The following NBDY variants were observed in gnomAD, a reference collection of about 807,000 sequenced individuals.
The protein encoded by NBDY is negative regulator of P-body association, also known as P-body dissociating protein.
chrX:56,794,496 C>T (rs899452386), intron 2 of NBDY, among the ~76,000 whole-genome samples: 18 of 112,118 alleles, frequency 1.6e-4, no homozygotes, highest in Non-Finnish European at 2.8e-4. Flanking sequence ...GGTCACTTTG[C>T]GGAAACCTGC....
chrX:56,784,539 G>A (rs1040153496), intron 2 of NBDY, among the ~76,000 whole-genome samples: 2 of 111,984 alleles, frequency 1.8e-5, no homozygotes, highest in African/African-American at 6.5e-5. Context: ...ATTTGCCCCG[G>A]CATCTTGGTC....
chrX:56,748,393 A>G (rs5913993), intron 2 of NBDY, among the ~76,000 whole-genome samples: 59,156 of 109,836 alleles, frequency 0.54, 14,230 homozygotes, highest in Non-Finnish European at 0.74. Flanking sequence ...AGATACCTAG[A>G]TGGAGGTTCC....
intron 2 of NBDY, among the ~76,000 whole-genome samples, chrX:56,798,932 C>T (rs767492810): frequency 1.8e-5 from 2 of 111,947 alleles, no homozygotes; most frequent in South Asian, 7.6e-4. Flanking sequence ...TGGAGGCCCT[C>T]AGGGTGGAGG....
At chrX:56,796,276 C>T (rs2069791414) in intron 2 of NBDY, among the ~76,000 whole-genome samples, 1 of 112,291 alleles carries the variant, frequency 8.9e-6, no homozygotes, top group African/African-American at 3.2e-5. Flanking sequence ...GGCTCCCTCT[C>T]TGTGAGCCCA....
chrX:56,789,788 G>A lies in NBDY; in HGVS notation c.*167-27532G>A, dbSNP rs186738276. On this transcript the variant is annotated intron_variant, in intron 2 of 2. Transcript: ENST00000374922. ...AGCCACTTGTCATGTCTTACTGAGC[G>A]TGCATGCTCACTGGAACGTGGTGGT... Among the ~76,000 whole-genome samples the A allele has an allele frequency of 1.8e-3, 196 of 111,581 alleles. 1 individual carries two copies. The highest frequency in any genetic ancestry group is 6.0e-3 in the African/African-American group (184 of 30,640).
chrX:56,810,077 G>A (rs2069877771), intron 2 of NBDY, among the ~76,000 whole-genome samples: 1 of 28,831 alleles, frequency 3.5e-5, no homozygotes, highest in Non-Finnish European at 2.0e-4. Flanking sequence ...GTTGAATATT[G>A]GCCCCCACTC....
chrX:56,788,063 C>T (rs759387792), intron 2 of NBDY, among the ~76,000 whole-genome samples: 1 of 112,009 alleles, frequency 8.9e-6, no homozygotes, highest in Non-Finnish European at 1.9e-5. Flanking sequence ...TCTGCACCTG[C>T]GGGAGCCATG....
At chrX:56,750,205 T>A (rs1171759353) in intron 2 of NBDY, among the ~76,000 whole-genome samples, 1 of 111,228 alleles carries the variant, frequency 9.0e-6, no homozygotes, top group Non-Finnish European at 1.9e-5. Flanking sequence ...GTGGAAGAGG[T>A]TACCATAGTT....
At chrX:56,788,787 G>T (rs1228563156) in intron 2 of NBDY, among the ~76,000 whole-genome samples, 1 of 112,398 alleles carries the variant, frequency 8.9e-6, no homozygotes, top group Non-Finnish European at 1.9e-5. Flanking sequence ...CTGGGGGGCA[G>T]CTTCACTGTG....
At chrX:56,762,402 A>C (rs2069642180) in intron 2 of NBDY, among the ~76,000 whole-genome samples, 1 of 107,991 alleles carries the variant, frequency 9.3e-6, no homozygotes, top group Admixed American at 1.0e-4. Flanking sequence ...TGTTCTATGG[A>C]GACTGCTTCT....
At chrX:56,796,633 C>G (rs1280876089) in intron 2 of NBDY, among the ~76,000 whole-genome samples, 1 of 111,257 alleles carries the variant, frequency 9.0e-6, no homozygotes, top group South Asian at 3.8e-4. Flanking sequence ...TCTCTTTTCC[C>G]TGATATATAT....
chrX:56,805,312 G>A (rs2069843258), intron 2 of NBDY, among the ~76,000 whole-genome samples: 1 of 112,166 alleles, frequency 8.9e-6, no homozygotes, highest in African/African-American at 3.2e-5. Context: ...AATGTCAGAG[G>A]TCCTCATTTT....
rs995229399 is a variant in NBDY at position 56,819,069 on chromosome X, A to T, written c.*1916A>T. On this transcript the variant is annotated 3_prime_UTR_variant, in exon 3 of 3. Transcript: ENST00000374922. ...TAACTCAAAATAGGCCAAAGACTCAAATATAAGGGTTACACTATAAAACTC... is the reference window on the plus strand; with the variant it reads ...TAACTCAAAATAGGCCAAAGACTCATATATAAGGGTTACACTATAAAACTC... 9.0e-6 allele frequency: 1 copy of T among 110,688 alleles called. No individual in the cohort carries two copies. Among genetic ancestry groups the T allele is most frequent in the Non-Finnish European group, 1.9e-5 (1 of 52,885 alleles). 9.1% of individuals were successfully genotyped at this position (110,688 alleles called of 1,213,427 possible). A position where few individuals can be genotyped will look rare whatever the true frequency, so the allele number is the denominator to read the frequency against.
intron 2 of NBDY, among the ~76,000 whole-genome samples, chrX:56,788,763 G>A (rs11795954): frequency 0.074 from 8,274 of 112,467 alleles, 306 homozygotes; most frequent in Non-Finnish European, 0.11. Context: ...TCCCTTATGC[G>A]TATCTCAAAA....
chrX:56,795,763 T>C (rs1602665273), intron 2 of NBDY, among the ~76,000 whole-genome samples: 1 of 112,371 alleles, frequency 8.9e-6, no homozygotes, highest in East Asian at 2.8e-4. Flanking sequence ...CAAATGCAGG[T>C]CCTTTTTTCA....
intron 2 of NBDY, among the ~76,000 whole-genome samples, chrX:56,739,107 A>G (rs2069513625): frequency 9.5e-6 from 1 of 104,715 alleles, no homozygotes; most frequent in African/African-American, 3.5e-5. Flanking sequence ...GTATATTTTT[A>G]GTTTCTATGG....
intron 2 of NBDY, among the ~76,000 whole-genome samples, chrX:56,810,049 ATTCTT>A (rs113690744): frequency 0.026 from 2,396 of 90,888 alleles, 83 homozygotes; most frequent in African/African-American, 0.08. Context: ...TGGGTTGAAG[ATTCTT>A]TTCTTTAAGA....
intron 2 of NBDY, among the ~76,000 whole-genome samples, chrX:56,745,626 T>C (rs762110398): frequency 9.0e-6 from 1 of 111,365 alleles, no homozygotes; most frequent in East Asian, 2.8e-4. Context: ...ACAATATCCT[T>C]TATAGCTTTT....
At chrX:56,756,298 AAAAT>A (rs1246025680) in intron 2 of NBDY, among the ~76,000 whole-genome samples, 3 of 109,989 alleles carry the variant, frequency 2.7e-5, no homozygotes, top group East Asian at 2.8e-4. Flanking sequence ...TAATAATAAT[AAAAT>A]AAATAAATAA....
Sources: allele counts gnomAD v4.1 joint callset (sites outside exome capture counted in the v4.1 genomes callset), GRCh38; gene constraint gnomAD v4.1.1; transcripts MANE v1.5; gene names NCBI Gene and HGNC (gene_info 2026-07-23, HGNC 2026-07-21).